Variants in BACH2 observed in about 807,000 individuals in gnomAD.
BACH2 encodes transcription regulator protein BACH2.
A neutral mutation model predicts 61.8 loss-of-function variants in BACH2; 5 were observed. The ratio of observed to expected loss-of-function variants is 0.08; its 90% confidence interval spans 0.04 to 0.17. The LOEUF is 0.17. Ranked by LOEUF, BACH2 falls within the 10% of genes least tolerant of loss-of-function variation. The pLI is 1.00. For missense variants in BACH2, 824 were observed against 1,091.1 expected (o/e 0.76, Z 3.45); for synonymous variants, 446 against 440.1 (o/e 1.01, Z -0.17).
At chr6:89,963,977 C>T (rs1025183826) in intron 6 of BACH2, among the ~76,000 whole-genome samples, 1 of 152,020 alleles carries the variant, frequency 6.6e-6, no homozygotes, top group East Asian at 1.9e-4. Flanking sequence ...TGTGTGATTC[C>T]ACTTATATGA....
At chr6:89,967,516 T>C (rs1170283889) in intron 6 of BACH2, among the ~76,000 whole-genome samples, 1 of 152,214 alleles carries the variant, frequency 6.6e-6, no homozygotes, top group Non-Finnish European at 1.5e-5. Flanking sequence ...CCAGTTTCCT[T>C]GCACTATTAT....
intron 5 of BACH2, among the ~76,000 whole-genome samples, chr6:90,046,617 C>T (rs1000315888): frequency 6.6e-6 from 1 of 152,114 alleles, no homozygotes; most frequent in Non-Finnish European, 1.5e-5. Context: ...AAGCAGCATC[C>T]GATTTTTCTG....
At chr6:90,045,759 T>C (rs1381533783) in intron 5 of BACH2, among the ~76,000 whole-genome samples, 2 of 152,208 alleles carry the variant, frequency 1.3e-5, no homozygotes, top group Non-Finnish European at 2.9e-5. Flanking sequence ...ATGCAAGAGG[T>C]ATCCCACTGT....
chr6:90,272,338 C>T (rs1771552571), intron 1 of BACH2, among the ~76,000 whole-genome samples: 1 of 151,826 alleles, frequency 6.6e-6, no homozygotes, highest in Non-Finnish European at 1.5e-5. Flanking sequence ...CCTCTTTCTC[C>T]TTCTGCTTCT....
At chr6:90,116,679 G>T in intron 4 of BACH2, 2 of 317,842 alleles carry the variant, frequency 6.3e-6, no homozygotes, top group Non-Finnish European at 6.4e-6. Flanking sequence ...TGATGTGATG[G>T]CAGTGATGGT....
intron 4 of BACH2, among the ~76,000 whole-genome samples, chr6:90,148,043 C>G (rs1415204130): frequency 6.6e-6 from 1 of 152,122 alleles, no homozygotes; most frequent in African/African-American, 2.4e-5. Flanking sequence ...GACAGAGGTA[C>G]AGAGAGGCTC....
intron 1 of BACH2, among the ~76,000 whole-genome samples, chr6:90,290,629 A>G (rs1448688690): frequency 6.6e-6 from 1 of 152,260 alleles, no homozygotes; most frequent in Non-Finnish European, 1.5e-5. Context: ...GATGCTGAGC[A>G]TGTACATTCA....
intron 4 of BACH2, among the ~76,000 whole-genome samples, chr6:90,160,458 T>C (rs1785152539): frequency 6.6e-6 from 1 of 152,208 alleles, no homozygotes; most frequent in African/African-American, 2.4e-5. Context: ...CACACAGTTA[T>C]CACTATGGAC....
At chr6:90,179,271 T>C (rs1026080929) in intron 4 of BACH2, among the ~76,000 whole-genome samples, 2 of 151,992 alleles carry the variant, frequency 1.3e-5, no homozygotes, top group African/African-American at 4.8e-5. Flanking sequence ...TCTGTCATAA[T>C]GAAGATTTTA....
At chr6:90,129,253 T>C (rs942681478) in intron 4 of BACH2, among the ~76,000 whole-genome samples, 2 of 152,180 alleles carry the variant, frequency 1.3e-5, no homozygotes, top group Non-Finnish European at 2.9e-5. Flanking sequence ...GGATATCAAA[T>C]AGTTTTAGAA....
intron 5 of BACH2, among the ~76,000 whole-genome samples, chr6:90,058,544 C>T (rs868055183): frequency 1.1e-3 from 167 of 152,242 alleles, no homozygotes; most frequent in African/African-American, 3.9e-3. Flanking sequence ...AATGGCCATA[C>T]TGCCCAAGGT....
At chr6:90,172,759 C>T (rs1212634654) in intron 4 of BACH2, among the ~76,000 whole-genome samples, 2 of 151,966 alleles carry the variant, frequency 1.3e-5, no homozygotes, top group African/African-American at 4.8e-5. Flanking sequence ...GGACATGCTT[C>T]AGAAAACAGC....
At chr6:90,110,018 A>G (rs972162761) in intron 4 of BACH2, among the ~76,000 whole-genome samples, 6 of 152,272 alleles carry the variant, frequency 3.9e-5, no homozygotes, top group Non-Finnish European at 8.8e-5. Flanking sequence ...AATACATTTT[A>G]CAAAACATAA....
At chr6:90,121,797 C>T (rs1222709289) in intron 4 of BACH2, among the ~76,000 whole-genome samples, 4 of 152,158 alleles carry the variant, frequency 2.6e-5, no homozygotes, top group African/African-American at 9.7e-5. Context: ...TCGCCCACCT[C>T]GGCCTCCCAA....
chr6:90,111,555 C>T lies in BACH2; in HGVS notation c.-161-22446G>A, dbSNP rs116692208. Among the ~76,000 whole-genome samples, 973 of 152,278 alleles carry T rather than the reference C, an allele frequency of 6.4e-3. 11 individuals carry two copies. The highest frequency in any genetic ancestry group is 0.022 in the African/African-American group (921 of 41,546). ...ACTTGACCTGTGGATCTCTTTAAAC[C>T]TATCCTGTGTGCTCCAGCCTGGAAG... On this transcript the variant is annotated intron_variant, in intron 4 of 8. Transcript: ENST00000257749.
intron 4 of BACH2, among the ~76,000 whole-genome samples, chr6:90,165,713 T>C (rs541243501): frequency 1.3e-5 from 2 of 152,118 alleles, no homozygotes; most frequent in African/African-American, 2.4e-5. Flanking sequence ...GACAGACATA[T>C]AGACCAATGG....
intron 1 of BACH2, among the ~76,000 whole-genome samples, chr6:90,278,938 T>G (rs1267921905): frequency 1.3e-5 from 2 of 152,244 alleles, no homozygotes; most frequent in Admixed American, 1.3e-4. Context: ...TAATATTTAC[T>G]AGTTAATCCT....
At chr6:90,158,577 C>G (rs1400351935) in intron 4 of BACH2, among the ~76,000 whole-genome samples, 3 of 151,456 alleles carry the variant, frequency 2.0e-5, no homozygotes, top group Admixed American at 6.6e-5. Context: ...CAGGGTTGAA[C>G]AGGATCAGGG....
intron 4 of BACH2, among the ~76,000 whole-genome samples, chr6:90,161,981 G>A (rs1785207390): frequency 6.6e-6 from 1 of 152,062 alleles, no homozygotes; most frequent in Non-Finnish European, 1.5e-5. Flanking sequence ...CATAACCTTT[G>A]AGATTCAGAC....
Sources: gnomAD v4.1 joint callset for allele counts (sites outside exome capture counted in the v4.1 genomes callset) on GRCh38, gnomAD v4.1.1 for gene constraint, MANE v1.5 for transcripts, NCBI Gene and HGNC (gene_info 2026-07-23, HGNC 2026-07-21) for gene names.